The following FSCN1 variants were observed in gnomAD, a reference collection of about 807,000 sequenced individuals.
FSCN1 encodes fascin actin-bundling protein 1, also known as fascin.
In FSCN1, 10 loss-of-function variants were observed where a neutral mutation model predicts 39.7. The ratio of observed to expected loss-of-function variants is 0.25; its 90% CI spans 0.16 to 0.43. The LOEUF is 0.43. Among genes scored for constraint, FSCN1 ranks in the 20% least tolerant of loss-of-function variants. The pLI, the probability that FSCN1 is intolerant of heterozygous loss-of-function variation, is 1.00. For missense variants in FSCN1, 525 were observed against 723.8 expected (o/e 0.73, Z 3.15); for synonymous variants, 322 against 320.0 (o/e 1.01, Z -0.07).
Position 5,593,627 on chromosome 7 carries a change from C to G in FSCN1, c.691C>G (p.Leu231Val). 1 of 1,565,136 alleles carries G rather than the reference C, an allele frequency of 6.4e-7. No individual in the cohort carries two copies. The highest frequency in any genetic ancestry group is 8.6e-7 in the Non-Finnish European group (1 of 1,162,600). The change falls in exon 1 of 5, where the codon CTG (leucine) becomes GTG (valine). Residue 231 changes from leucine to valine, a missense_variant. Around this residue, in one of 3 missense-constraint regions of FSCN1, gnomAD observed 246 missense variants for 350.6 expected, o/e 0.70. Transcript: ENST00000382361. ...VAFRDCEGRY[L>V]APSGPSGTLK... is the part of the protein sequence containing the mutation. ...CTTCCGCGACTGCGAGGGCCGTTAC[C>G]TGGCGCCGTCGGGGCCCAGCGGCAC...
Position 5,599,062 on chromosome 7 carries a change from G to A in FSCN1, c.833-4195G>A, listed in dbSNP as rs1785780678. On this transcript the variant is annotated intron_variant, in intron 1 of 4. Coordinates refer to ENST00000382361, the MANE Select transcript of FSCN1 (RefSeq NM_003088.4). The surrounding 1 kb of genome is among the most constrained non-coding windows in gnomAD (Gnocchi z 5.6). The stretch of plus-strand genomic sequence containing the variant: ...GGCCTCTTGGCTGGTGGAGGGCTGA[G>A]TGAGCAGAGGCCCCAGCCCTCGTGT... Among the ~76,000 whole-genome samples, 1 of 152,122 alleles carries A rather than the reference G, an allele frequency of 6.6e-6. No individual in the cohort carries two copies. The highest frequency in any genetic ancestry group is 2.1e-4 in the South Asian group (1 of 4,836).
intron 1 of FSCN1, among the ~76,000 whole-genome samples, chr7:5,595,638 A>G (rs1331387418): frequency 6.6e-6 from 1 of 152,196 alleles, no homozygotes; most frequent in African/African-American, 2.4e-5. Context: ...CCAGCGTTGT[A>G]GGCTGTGGGT....
rs1359382590 is a variant in FSCN1, at chr7:5,605,059, C to G, written c.1280-213C>G. 1.3e-5 allele frequency among the ~76,000 whole-genome samples: 2 copies of G among 152,220 alleles called. No homozygotes were observed. Among genetic ancestry groups the G allele is most frequent in the Non-Finnish European group, 2.9e-5 (2 of 68,042 alleles). ...AAGTGCTGGGATTACAGGCGTGAGC[C>G]ACTGCGGCCGAGCAGAACACGTTCT... On this transcript the variant is annotated intron_variant, in intron 4 of 4. Transcript: ENST00000382361. This position sits in a 1 kb window ranked among gnomAD's most constrained non-coding sequence, Gnocchi z 6.9.
chr7:5,605,476 G>T lies in FSCN1; in HGVS notation c.*2G>T. On this transcript the variant is annotated 3_prime_UTR_variant, in exon 5 of 5. Transcript: ENST00000382361. This position sits in a 1 kb window ranked among gnomAD's most constrained non-coding sequence, Gnocchi z 6.9. ...CCCGCCTCGCTCTGGGAGTACTAGG[G>T]CCGGCCCGTCCTTCCCCGCCCCTGC... The T allele has an allele frequency of 1.9e-6, 3 of 1,553,584 alleles. No homozygotes were observed. Among genetic ancestry groups the T allele is most frequent in the Admixed American group, 3.8e-5 (2 of 52,054 alleles).
chr7:5,593,864 C>T (rs1785678598), intron 1 of FSCN1, 96 bp downstream of exon 1: 4 of 870,894 alleles, frequency 4.6e-6, no homozygotes, highest in Admixed American at 2.9e-5. Flanking sequence ...GCTCGCGGCG[C>T]CGCTGCGGTC....
At position 5,593,379 on chromosome 7, in the gene FSCN1, C is replaced by T. The variant is rs1276451353; in HGVS notation, c.443C>T (p.Thr148Ile). ...CCTCAGGTCAACATCTACAGCGTCA[C>T]CCGTAAGCGCTACGCGCACCTGAGC... Reference protein sequence around the residue: ...MHPQVNIYSVTRKRYAHLSAR... With the variant: ...MHPQVNIYSVIRKRYAHLSAR... The change falls in exon 1 of 5, where the codon ACC (threonine) becomes ATC (isoleucine). Residue 148 changes from threonine (T) to isoleucine (I), a missense_variant. By Grantham distance (89) the Thr-to-Ile change is moderately conservative. Around this residue, in one of 3 missense-constraint regions of FSCN1, gnomAD observed 246 missense variants for 350.6 expected, o/e 0.70. Coordinates refer to ENST00000382361, the MANE Select transcript of FSCN1 (RefSeq NM_003088.4). 1 of 1,612,416 alleles carries T rather than the reference C, an allele frequency of 6.2e-7. No individual in the cohort carries two copies. The highest frequency in any genetic ancestry group is 1.7e-5 in the Admixed American group (1 of 60,018).
Position 5,605,321 on chromosome 7 carries a change from C to T in FSCN1, c.1329C>T (p.Ser443=), listed in dbSNP as rs778052079. Reference sequence around the variant, plus strand: ...TGGGCAGTGACTCCGCGGTCACCAGCAGCGGCGACACTCCTGTGGACTTCT... The same window carrying T: ...TGGGCAGTGACTCCGCGGTCACCAGTAGCGGCGACACTCCTGTGGACTTCT... ...WTVGSDSAVT[S]SGDTPVDFFF... The change falls in exon 5 of 5, where the codon AGC becomes AGT. Residue 443 remains serine (S), a synonymous_variant. Transcript: ENST00000382361. The surrounding 1 kb of genome is among the most constrained non-coding windows in gnomAD (Gnocchi z 6.9). The T allele has an allele frequency of 3.7e-6, 6 of 1,613,844 alleles. No individual in the cohort carries two copies. The Admixed American group carries it at 6.7e-5, about 18-fold the overall frequency.
chr7:5,593,818 C>A, intron 1 of FSCN1, 50 bp downstream of exon 1: 3 of 1,247,852 alleles, frequency 2.4e-6, no homozygotes, highest in South Asian at 2.8e-5. Context: ...ACAAAGCGCA[C>A]CCCACCCGCG....
intron 1 of FSCN1, chr7:5,594,052 C>T (rs565159918): frequency 8.5e-5 from 35 of 414,016 alleles, no homozygotes; most frequent in Non-Finnish European, 1.3e-4. Context: ...CTAACCCCCC[C>T]CCCCGCCCAA....
intron 1 of FSCN1, among the ~76,000 whole-genome samples, chr7:5,597,364 G>C (rs1320994951): frequency 6.8e-6 from 1 of 147,138 alleles, no homozygotes. Flanking sequence ...ACGAGACCCT[G>C]TCTTAAAAAA....
In FSCN1 at chr7:5,605,244, G is replaced by GC. The variant is rs1480763844; in HGVS notation, c.1280-24dup. 1 of 1,571,632 alleles carries GC rather than the reference G, an allele frequency of 6.4e-7. No homozygotes were observed. Among genetic ancestry groups the GC allele is most frequent in the Non-Finnish European group, 8.7e-7 (1 of 1,142,910 alleles). The stretch of plus-strand genomic sequence containing the variant: ...GTAGGGGTGGGGAGCCAGGCTTTGG[G>GC]CCCCACTTGATAAAGTCCCCTCCCC... On this transcript the variant is annotated intron_variant, in intron 4 of 4. Transcript: ENST00000382361. This position sits in a 1 kb window ranked among gnomAD's most constrained non-coding sequence, Gnocchi z 6.9.
rs1199805024 is a variant in FSCN1, at chr7:5,605,733, T to C, written c.*259T>C. The C allele has an allele frequency of 2.1e-6, 1 of 473,690 alleles. No individual in the cohort carries two copies. The highest frequency in any genetic ancestry group is 3.5e-5 in the East Asian group (1 of 28,616). 29.3% of individuals were successfully genotyped at this position (473,690 alleles called of 1,614,324 possible). A position where few individuals can be genotyped will look rare whatever the true frequency, so the allele number is the denominator to read the frequency against. On this transcript the variant is annotated 3_prime_UTR_variant, in exon 5 of 5. Coordinates refer to ENST00000382361, the MANE Select transcript of FSCN1 (RefSeq NM_003088.4). This position sits in a 1 kb window ranked among gnomAD's most constrained non-coding sequence, Gnocchi z 6.9. Reference sequence around the variant, plus strand: ...GGGATTTCAGATGCCCCTGCCCTCTTGTCTGCCACGGGGCGAGTCTGGCAC... The same window carrying C: ...GGGATTTCAGATGCCCCTGCCCTCTCGTCTGCCACGGGGCGAGTCTGGCAC...
At chr7:5,596,114 A>G (rs376799643) in intron 1 of FSCN1, among the ~76,000 whole-genome samples, 9 of 131,676 alleles carry the variant, frequency 6.8e-5, no homozygotes, top group East Asian at 6.7e-4. Flanking sequence ...ATGTCAGCCA[A>G]CTCCCGGGGG....
At chr7:5,601,615 A>T (rs1206935343) in intron 1 of FSCN1, among the ~76,000 whole-genome samples, 3 of 152,090 alleles carry the variant, frequency 2.0e-5, no homozygotes, top group Non-Finnish European at 4.4e-5. Flanking sequence ...AGTTAGGAGG[A>T]TCATGTGAGG....
Position 5,603,951 on chromosome 7 carries a change from C to T in FSCN1, c.1200C>T (p.Val400=). The T allele has an allele frequency of 1.9e-6, 3 of 1,614,070 alleles. 1 individual carries two copies. The highest frequency in any genetic ancestry group is 2.2e-5 in the East Asian group (1 of 44,878). The change falls in exon 4 of 5, where the codon GTC becomes GTT. Residue 400 remains valine, a synonymous_variant. Transcript: ENST00000382361. The surrounding 1 kb of genome is among the most constrained non-coding windows in gnomAD (Gnocchi z 8.5). The part of the protein sequence containing the change: ...GEHGFIGCRK[V]TGTLDANRSS... ...ATGGCTTCATCGGCTGCCGCAAGGT[C>T]ACGGGCACCCTGGACGCCAACCGCT... is the stretch of plus-strand genomic sequence containing the variant.
intron 1 of FSCN1, among the ~76,000 whole-genome samples, chr7:5,597,296 G>T (rs1247578106): frequency 6.6e-6 from 1 of 152,230 alleles, no homozygotes; most frequent in South Asian, 2.1e-4. Flanking sequence ...TTGAGCCGGG[G>T]AGTTTGAGGC....
intron 1 of FSCN1, chr7:5,594,463 C>A (rs914590856): frequency 3.3e-5 from 5 of 152,458 alleles, no homozygotes; most frequent in African/African-American, 9.6e-5. Context: ...CGGGTCGCCT[C>A]GACTGGGTCC....
intron 1 of FSCN1, chr7:5,594,054 C>CG (rs1176723900): frequency 9.6e-6 from 4 of 414,666 alleles, no homozygotes; most frequent in Non-Finnish European, 1.7e-5. Flanking sequence ...AACCCCCCCC[C>CG]CCGCCCAATC....
At position 5,593,486 on chromosome 7, in the gene FSCN1, C is replaced by T. The variant is rs1193283543; in HGVS notation, c.550C>T (p.Gln184Ter). Residue 184 changes from glutamine to a stop codon, truncating the protein, a stop_gained, in exon 1 of 5, where the codon CAG (glutamine) becomes TAG (stop). Coordinates refer to ENST00000382361, the MANE Select transcript of FSCN1 (RefSeq NM_003088.4). LOFTEE classifies it high-confidence loss of function. ...DSLITLAFQD[Q>*]RYSVQTADHR... ...GCTCATCACCCTCGCCTTCCAGGAC[C>T]AGCGCTACAGCGTGCAGACCGCCGA... 1 of 1,610,718 alleles carries T rather than the reference C, an allele frequency of 6.2e-7. No homozygotes were observed. Among genetic ancestry groups the T allele is most frequent in the Non-Finnish European group, 8.5e-7 (1 of 1,179,464 alleles).
Sources: allele counts gnomAD v4.1 joint callset (sites outside exome capture counted in the v4.1 genomes callset), GRCh38; gene constraint gnomAD v4.1.1; regional missense constraint gnomAD v4.1.1; non-coding constraint Gnocchi (gnomAD v3.1); transcripts MANE v1.5; gene names NCBI Gene and HGNC (gene_info 2026-07-23, HGNC 2026-07-21).